Variants in DAB1 observed in about 807,000 individuals in gnomAD.
DAB1 encodes disabled homolog 1.
In DAB1, 15 loss-of-function variants were observed where a neutral mutation model predicts 64.6. The observed-to-expected ratio is 0.23, with a 90% CI of 0.16 to 0.36. The LOEUF is 0.36. Ranked by LOEUF, DAB1 falls within the 10% of genes least tolerant of loss-of-function variation. DAB1 has a pLI of 1.00. For synonymous variants in DAB1, 235 were observed against 251.9 expected (o/e 0.93, Z 0.64); for missense variants, 596 against 706.7 (o/e 0.84, Z 1.78).
intron 3 of DAB1, among the ~76,000 whole-genome samples, chr1:58,457,168 A>C (rs1645199911): frequency 6.6e-6 from 1 of 152,136 alleles, no homozygotes; most frequent in Admixed American, 6.5e-5. Context: ...GTCAGAGGTC[A>C]CTCATACCAG....
chr1:57,342,225 C>A (rs10889035), intron 1 of DAB1, among the ~76,000 whole-genome samples: 1 of 151,924 alleles, frequency 6.6e-6, no homozygotes, highest in Non-Finnish European at 1.5e-5. Flanking sequence ...CCTGGCTGAT[C>A]CCTATGTATC....
rs944923 is a variant in DAB1, at chr1:57,014,751, C to G, written c.1444+132G>C. 0.19 allele frequency: 119,476 copies of G among 626,808 alleles called. 17,235 individuals are homozygous for G. Among genetic ancestry groups the G allele is most frequent in the African/African-American group, 0.54 (28,795 of 53,802 alleles). The allele number at this position is 626,808 out of a possible 1,614,324, so 38.8% of individuals were successfully genotyped here. On this transcript the variant is annotated intron_variant, in intron 12 of 14. Coordinates refer to ENST00000371236, the MANE Select transcript of DAB1 (RefSeq NM_001365792.1). ...AAATTGGCAGCTCATAGTAGTATTA[C>G]TAGTAATAATAATATAAACAAAGAA...
At chr1:58,276,360 AT>A (rs1287834155) in intron 4 of DAB1, among the ~76,000 whole-genome samples, 1 of 152,230 alleles carries the variant, frequency 6.6e-6, no homozygotes, top group African/African-American at 2.4e-5. Flanking sequence ...AAAAAAAGCA[AT>A]GTGGCCTCTT....
At chr1:58,432,843 C>A (rs1031974622) in intron 3 of DAB1, among the ~76,000 whole-genome samples, 3 of 152,216 alleles carry the variant, frequency 2.0e-5, no homozygotes, top group African/African-American at 7.2e-5. Context: ...ATGAACTGGG[C>A]TTCTTTCAGG....
At chr1:57,389,008 C>T (rs1216924491) in intron 1 of DAB1, among the ~76,000 whole-genome samples, 1 of 152,212 alleles carries the variant, frequency 6.6e-6, no homozygotes, top group Non-Finnish European at 1.5e-5. Context: ...AAGGACATTT[C>T]AAAGATATTC....
chr1:58,003,364 A>G (rs1646534871), intron 5 of DAB1, among the ~76,000 whole-genome samples: 1 of 152,196 alleles, frequency 6.6e-6, no homozygotes, highest in South Asian at 2.1e-4. Context: ...CCTCAATTTT[A>G]TGGAAATCCA....
intron 6 of DAB1, among the ~76,000 whole-genome samples, chr1:57,740,150 G>A (rs1647917049): frequency 6.6e-6 from 1 of 152,084 alleles, no homozygotes; most frequent in South Asian, 2.1e-4. Context: ...GGAGGCAGAG[G>A]TTGCAATGAG....
chr1:58,352,154 T>C (rs1006795990), intron 3 of DAB1, among the ~76,000 whole-genome samples: 1 of 151,916 alleles, frequency 6.6e-6, no homozygotes, highest in Non-Finnish European at 1.5e-5. Context: ...AAGCACTTCC[T>C]ACAGTGCACA....
At chr1:58,070,444 A>C (rs1649162849) in intron 5 of DAB1, among the ~76,000 whole-genome samples, 1 of 152,322 alleles carries the variant, frequency 6.6e-6, no homozygotes, top group Admixed American at 6.5e-5. Flanking sequence ...GAGGAAGCTA[A>C]GGATAGTAGT....
At chr1:57,553,565 A>C (rs1644952704) in intron 7 of DAB1, among the ~76,000 whole-genome samples, 1 of 151,858 alleles carries the variant, frequency 6.6e-6, no homozygotes, top group South Asian at 2.1e-4. Context: ...ACAACTTAAA[A>C]GCCTCCCTAC....
chr1:57,006,667 G>A (rs1646081515), intron 14 of DAB1, among the ~76,000 whole-genome samples: 1 of 152,094 alleles, frequency 6.6e-6, no homozygotes, highest in African/African-American at 2.4e-5. Context: ...AAAAACTTAG[G>A]TTGGACTTGT....
intron 5 of DAB1, among the ~76,000 whole-genome samples, chr1:58,037,472 C>G (rs956181695): frequency 2.0e-5 from 3 of 152,142 alleles, no homozygotes; most frequent in African/African-American, 7.2e-5. Flanking sequence ...AGCTCTGCCT[C>G]CTGTTAGATC....
intron 11 of DAB1, among the ~76,000 whole-genome samples, chr1:57,022,251 C>T (rs935619021): frequency 1.3e-5 from 2 of 152,194 alleles, no homozygotes; most frequent in African/African-American, 4.8e-5. Context: ...AGCATGGGCA[C>T]TCCGAACACA....
chr1:57,984,701 C>T (rs1394368436), intron 5 of DAB1, among the ~76,000 whole-genome samples: 4 of 152,186 alleles, frequency 2.6e-5, no homozygotes, highest in Non-Finnish European at 5.9e-5. Flanking sequence ...GCATAAAGGT[C>T]AGTTGCTTAA....
At chr1:58,125,315 T>TA (rs1288573403) in intron 5 of DAB1, among the ~76,000 whole-genome samples, 9 of 152,192 alleles carry the variant, frequency 5.9e-5, no homozygotes, top group African/African-American at 1.9e-4. Context: ...AATTTTATCT[T>TA]AGTTTAGTCC....
At chr1:58,449,945 G>A (rs1165616987) in intron 3 of DAB1, among the ~76,000 whole-genome samples, 1 of 152,132 alleles carries the variant, frequency 6.6e-6, no homozygotes, top group Non-Finnish European at 1.5e-5. Flanking sequence ...CAAATCAGGG[G>A]TATTCATTGA....
intron 8 of DAB1, among the ~76,000 whole-genome samples, chr1:57,065,457 A>G (rs1317705878): frequency 2.0e-5 from 3 of 152,184 alleles, no homozygotes; most frequent in Admixed American, 6.5e-5. Context: ...AGTGTGCTTT[A>G]TCTTATCATG....
chr1:58,366,766 G>A (rs1644220942), intron 3 of DAB1, among the ~76,000 whole-genome samples: 2 of 152,154 alleles, frequency 1.3e-5, no homozygotes, highest in Admixed American at 1.3e-4. Flanking sequence ...TTGTGTCCAG[G>A]GACCAGCAGG....
At chr1:57,400,940 C>G (rs181995697) in intron 1 of DAB1, among the ~76,000 whole-genome samples, 1 of 150,336 alleles carries the variant, frequency 6.7e-6, no homozygotes, top group African/African-American at 2.5e-5. Flanking sequence ...CTTTCCCAGA[C>G]GCCATGCAAA....
Sources: gnomAD v4.1 joint callset for allele counts (sites outside exome capture counted in the v4.1 genomes callset) on GRCh38, gnomAD v4.1.1 for gene constraint, MANE v1.5 for transcripts, NCBI Gene and HGNC (gene_info 2026-07-23, HGNC 2026-07-21) for gene names.